Variants in POLR3B observed in about 807,000 individuals in gnomAD.
POLR3B encodes the protein RNA polymerase III subunit B, also known as DNA-directed RNA polymerase III subunit RPC2.
Under a neutral mutation model 147.4 loss-of-function variants are expected in POLR3B, and 96 were observed. The ratio of observed to expected loss-of-function variants is 0.65; its 90% CI spans 0.55 to 0.77. POLR3B has a LOEUF of 0.77. Among genes scored for constraint, POLR3B ranks in the 30% least tolerant of loss-of-function variants. The probability of loss-of-function intolerance (pLI) is 0.00; values close to 1 mark genes in which losing one functional copy is unlikely to be tolerated. For missense variants in POLR3B, 1,036 were observed against 1,413.5 expected, an observed-to-expected ratio of 0.73 and a Z score of 4.28; for synonymous variants, 461 against 485.9, an observed-to-expected ratio of 0.95 and a Z score of 0.67.
At chr12:106,368,454 G>C (rs1364762515) in intron 4 of POLR3B, among the ~76,000 whole-genome samples, 3 of 151,886 alleles carry the variant, frequency 2.0e-5, no homozygotes, top group Non-Finnish European at 4.4e-5. Flanking sequence ...GACACTGCAG[G>C]ACTCATTCTA....
intron 6 of POLR3B, among the ~76,000 whole-genome samples, chr12:106,375,203 G>A (rs2036661219): frequency 6.6e-6 from 1 of 152,176 alleles, no homozygotes; most frequent in Non-Finnish European, 1.5e-5. Context: ...AAGTTATTGT[G>A]CATCCAGTCA....
chr12:106,489,084 A>G (rs1191047555), intron 23 of POLR3B, among the ~76,000 whole-genome samples: 1 of 152,228 alleles, frequency 6.6e-6, no homozygotes, highest in African/African-American at 2.4e-5. Context: ...TAGCACCTCC[A>G]ACAAAGGTCC....
chr12:106,406,013 G>C (rs2037146562), intron 11 of POLR3B, 37 bp downstream of exon 11: 4 of 1,609,720 alleles, frequency 2.5e-6, no homozygotes, highest in Non-Finnish European at 3.4e-6. Context: ...AAGGACTGTG[G>C]GGTCTGTGAA....
intron 18 of POLR3B, among the ~76,000 whole-genome samples, chr12:106,441,455 T>C (rs747583097): frequency 7.9e-5 from 12 of 152,194 alleles, no homozygotes; most frequent in Non-Finnish European, 1.3e-4. Context: ...CTGAACATTG[T>C]AGGCAGTTGT....
chr12:106,462,265 T>A (rs114130600), intron 22 of POLR3B, among the ~76,000 whole-genome samples: 1,657 of 152,328 alleles, frequency 0.011, 24 homozygotes, highest in African/African-American at 0.038. Flanking sequence ...TTTTTCTTTT[T>A]GAGACGGAGT....
rs895541530 is a variant in POLR3B at position 106,497,159 on chromosome 12, G to A, written c.2984+241G>A. Among the ~76,000 whole-genome samples the A allele has an allele frequency of 3.1e-4, 47 of 149,822 alleles. 1 individual carries two copies. Among genetic ancestry groups the A allele is most frequent in the Middle Eastern group, 3.4e-3 (1 of 292 alleles). ...AAATTTTTTTTTTTTTAGCTCATCA[G>A]CTATCATTTGTGTTAGCGTATTTTA... On this transcript the variant is annotated intron_variant, in intron 25 of 27. Transcript: ENST00000228347.
intron 6 of POLR3B, among the ~76,000 whole-genome samples, chr12:106,372,463 G>A (rs900945247): frequency 2.0e-5 from 3 of 150,002 alleles, no homozygotes; most frequent in African/African-American, 7.3e-5. Flanking sequence ...TCAACCTCCC[G>A]AGTAGCTGGG....
intron 1 of POLR3B, among the ~76,000 whole-genome samples, chr12:106,362,547 T>C (rs1171458504): frequency 6.6e-6 from 1 of 152,178 alleles, no homozygotes; most frequent in African/African-American, 2.4e-5. Flanking sequence ...ATCCCTTGGC[T>C]TGCAGAAGCT....
At chr12:106,430,507 G>A in intron 14 of POLR3B, 34 bp downstream of exon 14, 1 of 1,550,264 alleles carries the variant, frequency 6.5e-7, no homozygotes, top group African/African-American at 1.4e-5. Context: ...TGCTGTGTAA[G>A]AGGCGATACC....
At position 106,454,002 on chromosome 12, in the gene POLR3B, CCT is replaced by C. The variant is rs372874667; in HGVS notation, c.2084-497_2084-496del. ...ACTCTTCCTTGCTCTCACTTGAATT[CCT>C]CTTTGTTCATTCTTTTTCTTCCCTT... On this transcript the variant is annotated intron_variant, in intron 19 of 27. Transcript: ENST00000228347. Among the ~76,000 whole-genome samples the C allele has an allele frequency of 1.4e-3, 212 of 152,286 alleles. 2 individuals are homozygous for C. The highest frequency in any genetic ancestry group is 4.8e-3 in the African/African-American group (199 of 41,554).
chr12:106,451,270 C>T (rs2037791283), intron 19 of POLR3B, among the ~76,000 whole-genome samples: 1 of 151,856 alleles, frequency 6.6e-6, no homozygotes, highest in South Asian at 2.1e-4. Context: ...ATATGTATAT[C>T]AGAACTCATT....
intron 22 of POLR3B, 131 bp from the exon 23 acceptor site, chr12:106,463,347 T>G: frequency 1.3e-6 from 1 of 762,998 alleles, no homozygotes; most frequent in Non-Finnish European, 2.2e-6. Context: ...AAAATTGAAG[T>G]CATTTTTCAG....
chr12:106,464,624 G>A (rs1423387554), intron 23 of POLR3B, among the ~76,000 whole-genome samples: 1 of 152,182 alleles, frequency 6.6e-6, no homozygotes, highest in African/African-American at 2.4e-5. Context: ...AGAAGTAGCA[G>A]CAATGATCAT....
chr12:106,411,569 C>T (rs2037227502), intron 12 of POLR3B, among the ~76,000 whole-genome samples: 1 of 152,114 alleles, frequency 6.6e-6, no homozygotes, highest in Non-Finnish European at 1.5e-5. Context: ...ATTTACTAAA[C>T]ACCTATTATG....
At chr12:106,444,908 A>G (rs2037701747) in intron 19 of POLR3B, among the ~76,000 whole-genome samples, 1 of 152,214 alleles carries the variant, frequency 6.6e-6, no homozygotes, top group Non-Finnish European at 1.5e-5. Flanking sequence ...TAACTTGTTA[A>G]CCTTGAGAGA....
chr12:106,491,812 T>C (rs1158387908), intron 23 of POLR3B, among the ~76,000 whole-genome samples: 8 of 152,130 alleles, frequency 5.3e-5, no homozygotes, highest in Admixed American at 3.3e-4. Flanking sequence ...TCCCCAGCAA[T>C]TGAGGGAAAT....
At chr12:106,459,654 A>G (rs756522219) in intron 22 of POLR3B, among the ~76,000 whole-genome samples, 6 of 152,180 alleles carry the variant, frequency 3.9e-5, no homozygotes, top group Non-Finnish European at 8.8e-5. Context: ...TTGGAGGATC[A>G]GTGTAGCTTG....
At chr12:106,421,978 G>T (rs1296040507) in intron 12 of POLR3B, among the ~76,000 whole-genome samples, 3 of 152,188 alleles carry the variant, frequency 2.0e-5, no homozygotes, top group African/African-American at 7.2e-5. Context: ...AGGATTACAG[G>T]CATGAGCCAC....
chr12:106,361,051 A>G (rs1196774657), intron 1 of POLR3B, among the ~76,000 whole-genome samples: 2 of 152,188 alleles, frequency 1.3e-5, no homozygotes, highest in Admixed American at 6.5e-5. Context: ...CATATGATGT[A>G]TGCCTCGCTG....
Sources: gnomAD v4.1 joint callset for allele counts (sites outside exome capture counted in the v4.1 genomes callset) on GRCh38, gnomAD v4.1.1 for gene constraint, MANE v1.5 for transcripts, NCBI Gene and HGNC (gene_info 2026-07-23, HGNC 2026-07-21) for gene names.